Variants in SYNPR observed in about 807,000 individuals in gnomAD.
SYNPR encodes the protein synaptoporin.
SYNPR carries 23 observed loss-of-function variants against 32.9 expected under a neutral mutation model. The ratio of observed to expected loss-of-function variants is 0.70; its 90% confidence interval spans 0.50 to 0.99. The LOEUF is 0.99. Ranked by LOEUF, SYNPR falls within the 50% of genes least tolerant of loss-of-function variation. The probability of loss-of-function intolerance (pLI) is 0.00; values close to 1 mark genes in which losing one functional copy is unlikely to be tolerated. For missense variants in SYNPR, 318 were observed against 349.3 expected (o/e 0.91, Z 0.71); for synonymous variants, 146 against 135.9 (o/e 1.07, Z -0.52).
chr3:63,337,571 A>G (rs1262494160), intron 2 of SYNPR, among the ~76,000 whole-genome samples: 1 of 152,200 alleles, frequency 6.6e-6, no homozygotes, highest in African/African-American at 2.4e-5. Context: ...TAATGTTTAC[A>G]GCAGCTTTAT....
At chr3:63,304,387 A>C (rs1395259055) in intron 2 of SYNPR, among the ~76,000 whole-genome samples, 1 of 150,084 alleles carries the variant, frequency 6.7e-6, no homozygotes, top group East Asian at 1.9e-4. Flanking sequence ...TGTGTGTAAG[A>C]AATTTTAAAT....
intron 2 of SYNPR, among the ~76,000 whole-genome samples, chr3:63,332,983 T>C (rs1239564360): frequency 1.3e-5 from 2 of 152,058 alleles, no homozygotes; most frequent in South Asian, 2.1e-4. Flanking sequence ...CCGCCACCAG[T>C]TGGACAACCA....
At chr3:63,395,507 A>C (rs557878062) in intron 2 of SYNPR, among the ~76,000 whole-genome samples, 5 of 152,216 alleles carry the variant, frequency 3.3e-5, no homozygotes, top group Admixed American at 6.5e-5. Flanking sequence ...CCTGAAACTC[A>C]TAACAATCCT....
upstream of SYNPR, among the ~76,000 whole-genome samples, chr3:63,276,809 AG>A (rs2086578611): frequency 6.6e-6 from 1 of 152,146 alleles, no homozygotes; most frequent in Admixed American, 6.5e-5. Flanking sequence ...ATTCATGAGC[AG>A]GGGGCATTTA....
At chr3:63,350,779 A>G (rs1380995159) in intron 2 of SYNPR, among the ~76,000 whole-genome samples, 1 of 152,182 alleles carries the variant, frequency 6.6e-6, no homozygotes, top group Non-Finnish European at 1.5e-5. Flanking sequence ...ACAGACAAAC[A>G]TGCTGTAGCA....
the SYNPR span, among the ~76,000 whole-genome samples, chr3:63,219,118 G>T: frequency 6.6e-6 from 1 of 152,194 alleles, no homozygotes; most frequent in Admixed American, 6.5e-5. Context: ...AAGTGGCAGA[G>T]ACTAATGAGG....
intron 2 of SYNPR, among the ~76,000 whole-genome samples, chr3:63,423,412 G>A (rs1035083532): frequency 6.6e-6 from 1 of 152,190 alleles, no homozygotes; most frequent in African/African-American, 2.4e-5. Flanking sequence ...GAGGAGACAG[G>A]AGAAGGACTC....
chr3:63,595,831 AG>A (rs1238034449), intron 4 of SYNPR, among the ~76,000 whole-genome samples: 2 of 57,938 alleles, frequency 3.5e-5, no homozygotes, highest in East Asian at 4.8e-4. Flanking sequence ...ATATATATAT[AG>A]TTATATATAT....
At chr3:63,333,736 T>C (rs2087255203) in intron 2 of SYNPR, among the ~76,000 whole-genome samples, 1 of 152,192 alleles carries the variant, frequency 6.6e-6, no homozygotes, top group African/African-American at 2.4e-5. Context: ...TCTTATTTGC[T>C]ACCAGGTTCT....
At chr3:63,246,869 T>C (rs2106885639) in intron 1 of SYNPR, among the ~76,000 whole-genome samples, 1 of 151,384 alleles carries the variant, frequency 6.6e-6, no homozygotes, top group South Asian at 2.1e-4. Context: ...GCCTTTATTT[T>C]ATCACCTACA....
chr3:63,588,165 T>C (rs1465576999), intron 4 of SYNPR, among the ~76,000 whole-genome samples: 1 of 152,150 alleles, frequency 6.6e-6, no homozygotes, highest in Non-Finnish European at 1.5e-5. Context: ...ATCACATATA[T>C]ACATATATGA....
intron 2 of SYNPR, chr3:63,443,609 T>A: frequency 1.0e-6 from 1 of 994,330 alleles, no homozygotes; most frequent in Non-Finnish European, 1.5e-6. Context: ...TCTCTATTTT[T>A]CTTGACTTTG....
chr3:63,330,938 T>C (rs2087222779), intron 2 of SYNPR, among the ~76,000 whole-genome samples: 1 of 152,132 alleles, frequency 6.6e-6, no homozygotes, highest in Admixed American at 6.6e-5. Flanking sequence ...AAACTGTCTG[T>C]TCAGACAAAA....
rs534617040 is a variant in SYNPR, at chr3:63,594,174, A to G, written c.409-14951A>G. Reference sequence around the variant, plus strand: ...GAACAGGTAAGGCATCATACCTTACATATGGTAGACCTTCATTCAATATAA... The same window carrying G: ...GAACAGGTAAGGCATCATACCTTACGTATGGTAGACCTTCATTCAATATAA... On this transcript the variant is annotated intron_variant, in intron 4 of 5. Transcript: ENST00000478300. Among the ~76,000 whole-genome samples, 4 of 152,280 alleles carry G rather than the reference A, an allele frequency of 2.6e-5. No homozygotes were observed. The South Asian group carries it at 8.3e-4, about 32-fold the overall frequency.
chr3:63,219,414 G>A, the SYNPR span, among the ~76,000 whole-genome samples: 2 of 152,140 alleles, frequency 1.3e-5, no homozygotes, highest in African/African-American at 4.8e-5. Flanking sequence ...GGAGAGTTTG[G>A]CTTTTCTTCT....
intron 2 of SYNPR, among the ~76,000 whole-genome samples, chr3:63,390,839 C>T (rs1426168875): frequency 6.6e-6 from 1 of 152,164 alleles, no homozygotes; most frequent in Non-Finnish European, 1.5e-5. Context: ...CTCTGCTTTC[C>T]TGTATTCATT....
intron 2 of SYNPR, among the ~76,000 whole-genome samples, chr3:63,399,566 A>G (rs1187752102): frequency 6.6e-6 from 1 of 152,054 alleles, no homozygotes; most frequent in African/African-American, 2.4e-5. Flanking sequence ...GGCCTCTTGT[A>G]CAAGGGTACT....
chr3:63,264,599 G>A (rs2086465240), intron 2 of SYNPR, among the ~76,000 whole-genome samples: 1 of 152,108 alleles, frequency 6.6e-6, no homozygotes, highest in Admixed American at 6.5e-5. Flanking sequence ...TAATATTTTT[G>A]TTTTCCGTGA....
At chr3:63,521,982 C>G (rs1331325147) in intron 3 of SYNPR, among the ~76,000 whole-genome samples, 1 of 152,116 alleles carries the variant, frequency 6.6e-6, no homozygotes, top group Non-Finnish European at 1.5e-5. Flanking sequence ...AAGCAGGCAG[C>G]CTCTCCAGGC....
Sources: allele counts gnomAD v4.1 joint callset (sites outside exome capture counted in the v4.1 genomes callset), GRCh38; gene constraint gnomAD v4.1.1; transcripts MANE v1.5; gene names NCBI Gene and HGNC (gene_info 2026-07-23, HGNC 2026-07-21).